FAM133B: variants seen among roughly 807,000 people sequenced by gnomAD.
FAM133B encodes the protein family with sequence similarity 133 member B, also known as protein FAM133B.
FAM133B carries 25 observed loss-of-function variants against 46.4 expected under a neutral mutation model. The ratio of observed to expected loss-of-function variants is 0.54; its 90% CI spans 0.39 to 0.75. The LOEUF is 0.75. FAM133B is among the 30% of genes least tolerant of loss of function. The pLI is 0.00. For missense variants in FAM133B, 205 were observed against 277.6 expected (o/e 0.74, Z 1.86); for synonymous variants, 75 against 86.0 (o/e 0.87, Z 0.71).
intron 8 of FAM133B, among the ~76,000 whole-genome samples, chr7:92,570,895 T>G (rs1350616822): frequency 6.6e-6 from 1 of 152,158 alleles, no homozygotes; most frequent in Non-Finnish European, 1.5e-5. Context: ...ACCATTAAGA[T>G]TTTTGGAAAC....
chr7:92,575,800 TC>T lies in FAM133B; in HGVS notation c.486del (p.Lys163SerfsTer107). ...TCTTTCTCAGTTCCATCTTTTGACT[TC>T]TTTTTCTTTTTTAAACTATCCTAAA... The part of the protein sequence containing the change: ...SDSKDSLKKK[K>X]KSKDGTEKEK... On this transcript the variant is annotated frameshift_variant, in exon 8 of 11. Transcript: ENST00000445716. LOFTEE classifies it high-confidence loss of function. 1 of 1,364,706 alleles carries T rather than the reference TC, an allele frequency of 7.3e-7. No individual in the cohort carries two copies. Among genetic ancestry groups the T allele is most frequent in the East Asian group, 2.4e-5 (1 of 42,478 alleles). 84.5% of individuals were successfully genotyped at this position (1,364,706 alleles called of 1,614,324 possible).
At chr7:92,585,019 C>T (rs1026045917) in intron 1 of FAM133B, among the ~76,000 whole-genome samples, 3 of 151,796 alleles carry the variant, frequency 2.0e-5, no homozygotes, top group African/African-American at 7.3e-5. Context: ...CAAAAACCCT[C>T]TGTATATGGT....
chr7:92,570,007 A>G, intron 8 of FAM133B, 92 bp from the exon 9 acceptor site: 1 of 501,544 alleles, frequency 2.0e-6, no homozygotes, highest in East Asian at 3.7e-5. Context: ...TCTAATTATT[A>G]TAATTACCCA....
chr7:92,569,241 T>C (rs778993728), intron 9 of FAM133B, among the ~76,000 whole-genome samples: 5 of 152,340 alleles, frequency 3.3e-5, no homozygotes, highest in Admixed American at 6.5e-5. Context: ...TAGGGCAAAC[T>C]TGGCTTAGAT....
chr7:92,584,412 C>T (rs543967002), intron 1 of FAM133B, among the ~76,000 whole-genome samples: 10 of 152,252 alleles, frequency 6.6e-5, no homozygotes, highest in Non-Finnish European at 1.3e-4. Context: ...AAGTTATATA[C>T]TTCCAGATTT....
chr7:92,571,809 T>C (rs2116391105), intron 8 of FAM133B, among the ~76,000 whole-genome samples: 1 of 152,354 alleles, frequency 6.6e-6, no homozygotes, highest in South Asian at 2.1e-4. Context: ...AATGTTTTAA[T>C]ATCCAGTACG....
At chr7:92,566,276 G>C (rs769551351) in intron 9 of FAM133B, among the ~76,000 whole-genome samples, 1 of 152,146 alleles carries the variant, frequency 6.6e-6, no homozygotes, top group Non-Finnish European at 1.5e-5. Flanking sequence ...TCTCTAGACA[G>C]CTTCTCTTAT....
At position 92,590,170 on chromosome 7, in the gene FAM133B, G is replaced by A. The variant is rs1795158490; in HGVS notation, c.24+98C>T. ...TCTCCAGGCCCCACGTCTGAGGGCT[G>A]CCGCTTGCCCTCCGGCCCGGCCGGG... is the stretch of plus-strand genomic sequence containing the variant. On this transcript the variant is annotated intron_variant, in intron 1 of 10. Coordinates refer to ENST00000445716, the MANE Select transcript of FAM133B (RefSeq NM_152789.4). The A allele has an allele frequency of 6.3e-6, 10 of 1,588,840 alleles. No individual in the cohort carries two copies. The East Asian group carries it at 2.0e-4, about 32-fold the overall frequency.
chr7:92,582,424 T>C (rs1222685490), intron 1 of FAM133B, among the ~76,000 whole-genome samples: 1 of 152,224 alleles, frequency 6.6e-6, no homozygotes, highest in East Asian at 1.9e-4. Context: ...TACTATGTCA[T>C]AGTGATGACA....
chr7:92,569,202 A>C (rs1357937263), intron 9 of FAM133B, among the ~76,000 whole-genome samples: 1 of 152,220 alleles, frequency 6.6e-6, no homozygotes, highest in Non-Finnish European at 1.5e-5. Flanking sequence ...ATCGCTAAAG[A>C]AAGCTACAGT....
At chr7:92,565,945 C>A in intron 10 of FAM133B, 69 bp downstream of exon 10, 7 of 1,521,612 alleles carry the variant, frequency 4.6e-6, no homozygotes, top group Non-Finnish European at 4.5e-6. Context: ...TCAAGCTTTA[C>A]CATGACTCAT....
chr7:92,567,225 T>C (rs1043028437), intron 9 of FAM133B, among the ~76,000 whole-genome samples: 26 of 152,064 alleles, frequency 1.7e-4, no homozygotes, highest in African/African-American at 6.3e-4. Flanking sequence ...TCTAAAAAAA[T>C]AAGAATAAAT....
chr7:92,589,153 A>G (rs975523851), intron 1 of FAM133B, among the ~76,000 whole-genome samples: 1 of 152,222 alleles, frequency 6.6e-6, no homozygotes, highest in Non-Finnish European at 1.5e-5. Flanking sequence ...TTTTACGTGC[A>G]TTTTCCTCAT....
At chr7:92,575,877 A>C (rs1794679710) in intron 7 of FAM133B, 56 bp from the exon 8 acceptor site, 1 of 821,790 alleles carries the variant, frequency 1.2e-6, no homozygotes, top group Non-Finnish European at 1.9e-6. Flanking sequence ...GCATTACAGA[A>C]CAAGGACAAA....
rs755514892 is a variant in FAM133B, at chr7:92,578,373, T to C, written c.222A>G (p.Glu74=). ...KMNENWKKEL[E]KHREKLLSGS... is the part of the protein sequence containing the mutation. Reference sequence around the variant, plus strand: ...CACTTAACAATTTCTCCCTGTGTTTTTCCAGTTCTTTCTTCCAGTTCTGCA... The same window carrying C: ...CACTTAACAATTTCTCCCTGTGTTTCTCCAGTTCTTTCTTCCAGTTCTGCA... Residue 74 remains glutamate (E), a synonymous_variant, in exon 4 of 11, where the codon GAA becomes GAG. Coordinates refer to ENST00000445716, the MANE Select transcript of FAM133B (RefSeq NM_152789.4). 2 of 1,613,262 alleles carry C rather than the reference T, an allele frequency of 1.2e-6. No individual in the cohort carries two copies. Among genetic ancestry groups the C allele is most frequent in the African/African-American group, 2.7e-5 (2 of 74,946 alleles).
intron 9 of FAM133B, among the ~76,000 whole-genome samples, chr7:92,567,759 C>T (rs1329684587): frequency 1.3e-5 from 2 of 152,028 alleles, no homozygotes; most frequent in African/African-American, 4.8e-5. Context: ...GTTTACAATA[C>T]AGAAACTAAA....
intron 8 of FAM133B, among the ~76,000 whole-genome samples, chr7:92,572,158 A>G (rs1174766765): frequency 6.6e-6 from 1 of 152,212 alleles, no homozygotes; most frequent in African/African-American, 2.4e-5. Context: ...TTTCCAACAG[A>G]AAAATGGGCA....
intron 8 of FAM133B, among the ~76,000 whole-genome samples, chr7:92,572,596 G>T (rs1794564530): frequency 6.6e-6 from 1 of 152,176 alleles, no homozygotes; most frequent in African/African-American, 2.4e-5. Flanking sequence ...GCGCATGCCT[G>T]TAATCCCAGC....
chr7:92,582,773 G>C lies in FAM133B; in HGVS notation c.25-1170C>G, dbSNP rs1000103274. Among the ~76,000 whole-genome samples the C allele has an allele frequency of 2.6e-5, 4 of 152,154 alleles. No homozygotes were observed. In the South Asian group the frequency reaches 6.2e-4, roughly 24 times the overall value. ...ACTAGTCATTAGGGAAATGTAAATTGAAACAACAAAGAGATGCCATTCTAT... is the reference window on the plus strand; with the variant it reads ...ACTAGTCATTAGGGAAATGTAAATTCAAACAACAAAGAGATGCCATTCTAT... On this transcript the variant is annotated intron_variant, in intron 1 of 10. Transcript: ENST00000445716.
Sources: gnomAD v4.1 joint callset for allele counts (sites outside exome capture counted in the v4.1 genomes callset) on GRCh38, gnomAD v4.1.1 for gene constraint, MANE v1.5 for transcripts, NCBI Gene and HGNC (gene_info 2026-07-23, HGNC 2026-07-21) for gene names.